Variants in ALK observed in about 807,000 individuals in gnomAD.
ALK encodes the protein ALK receptor tyrosine kinase, also known as ALK tyrosine kinase receptor.
A neutral mutation model predicts 163.1 loss-of-function variants in ALK; 74 were observed. That is an observed-to-expected ratio of 0.45 (90% CI 0.38 to 0.55). The LOEUF is 0.55. ALK is among the 20% of genes least tolerant of loss of function. ALK has a pLI of 0.00. For synonymous variants in ALK, 960 were observed against 843.2 expected (o/e 1.14, Z -2.40); for missense variants, 2,063 against 2,105.3 (o/e 0.98, Z 0.39).
At chr2:29,770,837 G>A (rs1180081596) in intron 1 of ALK, among the ~76,000 whole-genome samples, 4 of 151,806 alleles carry the variant, frequency 2.6e-5, no homozygotes, top group African/African-American at 4.8e-5. Context: ...AAGAGAACAC[G>A]CACAGACACA....
chr2:29,309,225 T>C (rs1238440082), intron 8 of ALK, among the ~76,000 whole-genome samples: 4 of 152,144 alleles, frequency 2.6e-5, no homozygotes, highest in African/African-American at 9.7e-5. Flanking sequence ...TTTTCCCTGA[T>C]AGCTGGAGGG....
At chr2:29,559,413 A>C (rs1457657579) in intron 3 of ALK, among the ~76,000 whole-genome samples, 1 of 152,244 alleles carries the variant, frequency 6.6e-6, no homozygotes, top group Non-Finnish European at 1.5e-5. Context: ...TATGGGCTGA[A>C]TTCTGCATCA....
At chr2:29,729,969 CGAG>C (rs563132213) in intron 1 of ALK, among the ~76,000 whole-genome samples, 6 of 152,074 alleles carry the variant, frequency 3.9e-5, no homozygotes, top group Non-Finnish European at 8.8e-5. Context: ...AAAAGTATAT[CGAG>C]GAGAAGGGAA....
intron 4 of ALK, among the ~76,000 whole-genome samples, chr2:29,427,758 T>C (rs537115889): frequency 2.6e-5 from 4 of 152,120 alleles, no homozygotes; most frequent in Non-Finnish European, 4.4e-5. Context: ...AAGGTAGAGA[T>C]TGTCAGAATG....
chr2:29,712,166 GGCCCTCCAGGT>G (rs1679122927), intron 2 of ALK, among the ~76,000 whole-genome samples: 1 of 152,156 alleles, frequency 6.6e-6, no homozygotes, highest in Non-Finnish European at 1.5e-5. Flanking sequence ...AGCAGGTCAG[GGCCCTCCAGGT>G]GATAGGTGGT....
intron 4 of ALK, among the ~76,000 whole-genome samples, chr2:29,438,815 C>T (rs1479183378): frequency 6.6e-6 from 1 of 152,144 alleles, no homozygotes; most frequent in East Asian, 1.9e-4. Context: ...GTCCTCAGGG[C>T]CATGAGGGTC....
intron 5 of ALK, among the ~76,000 whole-genome samples, chr2:29,335,344 C>G (rs1667579342): frequency 6.6e-6 from 1 of 152,170 alleles, no homozygotes; most frequent in Non-Finnish European, 1.5e-5. Flanking sequence ...CTTTATATAG[C>G]ATTTTAATAG....
intron 1 of ALK, among the ~76,000 whole-genome samples, chr2:29,869,498 C>G (rs981816682): frequency 3.3e-5 from 5 of 152,056 alleles, no homozygotes; most frequent in Non-Finnish European, 7.4e-5. Flanking sequence ...GGAAGCATCA[C>G]AAATCAGTAA....
intron 2 of ALK, among the ~76,000 whole-genome samples, chr2:29,696,793 A>G (rs986566179): frequency 1.3e-5 from 2 of 152,022 alleles, no homozygotes; most frequent in Non-Finnish European, 2.9e-5. Flanking sequence ...ACAAGCTTAC[A>G]TAGCCCCTGA....
chr2:29,354,690 G>A (rs1387490255), intron 5 of ALK, among the ~76,000 whole-genome samples: 2 of 151,942 alleles, frequency 1.3e-5, no homozygotes, highest in Non-Finnish European at 2.9e-5. Flanking sequence ...ATGAAGAGCT[G>A]CTTTCCTGGC....
chr2:29,675,147 T>C (rs1463790330), intron 3 of ALK, among the ~76,000 whole-genome samples: 2 of 152,080 alleles, frequency 1.3e-5, no homozygotes, highest in Non-Finnish European at 2.9e-5. Context: ...GAGGCTATAA[T>C]ATGCATACTG....
chr2:29,386,090 C>T (rs141685759), intron 4 of ALK, among the ~76,000 whole-genome samples: 28 of 152,392 alleles, frequency 1.8e-4, no homozygotes, highest in African/African-American at 6.7e-4. Flanking sequence ...TCCACCATCT[C>T]TTTCAGCGCG....
intron 4 of ALK, among the ~76,000 whole-genome samples, chr2:29,472,827 G>C (rs938246159): frequency 4.0e-5 from 6 of 151,554 alleles, no homozygotes; most frequent in African/African-American, 1.5e-4. Context: ...AGAATACAAA[G>C]AAAACTAAAA....
chr2:29,821,385 C>T (rs1397640232), intron 1 of ALK, among the ~76,000 whole-genome samples: 1 of 152,076 alleles, frequency 6.6e-6, no homozygotes, highest in Non-Finnish European at 1.5e-5. Context: ...AAGGATCTAC[C>T]ACTTGGGAAG....
chr2:29,660,848 T>C (rs758406813), intron 3 of ALK, among the ~76,000 whole-genome samples: 24 of 152,064 alleles, frequency 1.6e-4, no homozygotes, highest in Non-Finnish European at 2.6e-4. Context: ...TGAATGTGAT[T>C]AAACGACCCT....
At chr2:29,677,726 A>G (rs1677928262) in intron 3 of ALK, among the ~76,000 whole-genome samples, 1 of 152,108 alleles carries the variant, frequency 6.6e-6, no homozygotes, top group Non-Finnish European at 1.5e-5. Context: ...TATGAGGGAT[A>G]TCGATCAGGG....
chr2:29,413,830 G>C (rs1216730815), intron 4 of ALK, among the ~76,000 whole-genome samples: 2 of 152,124 alleles, frequency 1.3e-5, no homozygotes, highest in Non-Finnish European at 2.9e-5. Flanking sequence ...ACCTCACCCA[G>C]CCTAATTTTT....
chr2:29,673,694 G>GT (rs1382876197), intron 3 of ALK, among the ~76,000 whole-genome samples: 3 of 150,830 alleles, frequency 2.0e-5, no homozygotes, highest in Non-Finnish European at 3.0e-5. Flanking sequence ...CTTTAAAGTA[G>GT]TTTTTTCCAA....
rs1669050560 is a variant in ALK at position 29,197,464 on chromosome 2, A to G, written c.4073+78T>C. ...GCCATCTGCCCCTTCATCTTAAAGA[A>G]GCATATGTGGCTCTGGATATTTTTT... On this transcript the variant is annotated intron_variant, in intron 27 of 28. Coordinates refer to ENST00000389048, the MANE Select transcript of ALK (RefSeq NM_004304.5). 4 of 1,595,854 alleles carry G rather than the reference A, an allele frequency of 2.5e-6. No homozygotes were observed. In the East Asian group the frequency reaches 9.0e-5, roughly 36 times the overall value.
Sources: allele counts gnomAD v4.1 joint callset (sites outside exome capture counted in the v4.1 genomes callset), GRCh38; gene constraint gnomAD v4.1.1; transcripts MANE v1.5; gene names NCBI Gene and HGNC (gene_info 2026-07-23, HGNC 2026-07-21).